The following POU6F2 variants were observed in gnomAD, a reference collection of about 807,000 sequenced individuals.
The protein encoded by POU6F2 is POU class 6 homeobox 2.
Under a neutral mutation model 71.3 loss-of-function variants are expected in POU6F2, and 31 were observed. The ratio of observed to expected loss-of-function variants is 0.43; its 90% CI spans 0.33 to 0.59. POU6F2 has a LOEUF of 0.59. Ranked by LOEUF, POU6F2 falls within the 20% of genes least tolerant of loss-of-function variation. POU6F2 has a pLI of 0.04. For missense variants in POU6F2, 783 were observed against 856.8 expected (o/e 0.91, Z 1.07); for synonymous variants, 347 against 355.7 (o/e 0.98, Z 0.27).
Position 39,027,843 on chromosome 7 carries a change from A to G in POU6F2, c.105+49785A>G, listed in dbSNP as rs1381104659. Among the ~76,000 whole-genome samples, 10 of 152,214 alleles carry G rather than the reference A, an allele frequency of 6.6e-5. No homozygotes were observed. The East Asian group carries it at 1.7e-3, about 26-fold the overall frequency. On this transcript the variant is annotated intron_variant, in intron 1 of 9. Transcript: ENST00000518318. ...GCTTTGTACATTCTGGATTTTTTTA[A>G]ATTTGTTTTTGCATTCCATGACATT...
At chr7:39,209,265 G>T (rs1160132644) in intron 4 of POU6F2, among the ~76,000 whole-genome samples, 1 of 152,132 alleles carries the variant, frequency 6.6e-6, no homozygotes, top group East Asian at 1.9e-4. Flanking sequence ...TCTGGTTTCA[G>T]AAAAGGAATC....
rs1216356690 is a variant in POU6F2 at position 39,015,666 on chromosome 7, ATATAT to A, written c.105+37614_105+37618del. Among the ~76,000 whole-genome samples, 13 of 111,416 alleles carry A rather than the reference ATATAT, an allele frequency of 1.2e-4. 1 individual carries two copies. The highest frequency in any genetic ancestry group is 1.5e-4 in the African/African-American group (4 of 27,116). The allele number at this position is 111,416 out of a possible 152,430, so 73.1% of individuals were successfully genotyped here. A position where few individuals can be genotyped will look rare whatever the true frequency, so the allele number is the denominator to read the frequency against. On this transcript the variant is annotated intron_variant, in intron 1 of 9. Transcript: ENST00000518318. Reference sequence around the variant, plus strand: ...ATATATAGATATATATTATATATAGATATATTATATCTATGTTATATATCTATATA... The same window carrying A: ...ATATATAGATATATATTATATATAGATATATCTATGTTATATATCTATATA...
At chr7:39,379,601 C>T (rs985195568) in intron 5 of POU6F2, among the ~76,000 whole-genome samples, 13 of 152,196 alleles carry the variant, frequency 8.5e-5, no homozygotes, top group African/African-American at 3.1e-4. Flanking sequence ...TAAAATTCCA[C>T]CCAGTTTTGT....
intron 5 of POU6F2, among the ~76,000 whole-genome samples, chr7:39,400,099 C>A (rs1227334389): frequency 6.6e-6 from 1 of 152,120 alleles, no homozygotes; most frequent in Non-Finnish European, 1.5e-5. Flanking sequence ...CTCCTTCGTT[C>A]GGGAGTGGGG....
At chr7:39,324,071 G>T (rs1785456597) in intron 4 of POU6F2, among the ~76,000 whole-genome samples, 1 of 143,776 alleles carries the variant, frequency 7.0e-6, no homozygotes, top group Non-Finnish European at 1.5e-5. Context: ...TAGCGCAACT[G>T]CACTCCAGCC....
At chr7:39,371,900 T>A (rs1015452962) in intron 5 of POU6F2, among the ~76,000 whole-genome samples, 22 of 152,156 alleles carry the variant, frequency 1.4e-4, no homozygotes, top group Non-Finnish European at 4.4e-5. Flanking sequence ...TTTGCCTGTT[T>A]GTTTTTTGTG....
intron 5 of POU6F2, among the ~76,000 whole-genome samples, chr7:39,403,886 G>A (rs1440994599): frequency 6.6e-6 from 1 of 152,196 alleles, no homozygotes; most frequent in Non-Finnish European, 1.5e-5. Flanking sequence ...CTTACAGATT[G>A]GCTTGCACCC....
intron 2 of POU6F2, among the ~76,000 whole-genome samples, chr7:39,089,907 C>T (rs1362493786): frequency 6.6e-6 from 1 of 151,462 alleles, no homozygotes; most frequent in Non-Finnish European, 1.5e-5. Flanking sequence ...TGATTTCCTT[C>T]CTTTAAGTCC....
intron 1 of POU6F2, among the ~76,000 whole-genome samples, chr7:38,988,138 G>A (rs1202490228): frequency 3.3e-5 from 5 of 152,088 alleles, no homozygotes; most frequent in African/African-American, 7.2e-5. Flanking sequence ...GGCTCAGAGA[G>A]GTTATGTGTC....
At chr7:39,349,750 C>G (rs1026174112) in intron 5 of POU6F2, among the ~76,000 whole-genome samples, 4 of 152,200 alleles carry the variant, frequency 2.6e-5, no homozygotes, top group Non-Finnish European at 4.4e-5. Flanking sequence ...AATAGACTCT[C>G]AGAATCACTG....
At chr7:39,370,501 T>C (rs1786585787) in intron 5 of POU6F2, among the ~76,000 whole-genome samples, 1 of 152,078 alleles carries the variant, frequency 6.6e-6, no homozygotes, top group Non-Finnish European at 1.5e-5. Flanking sequence ...AGGAAGACAT[T>C]GGTGCGTGTG....
At chr7:39,270,535 C>T (rs556807548) in intron 4 of POU6F2, among the ~76,000 whole-genome samples, 1 of 152,090 alleles carries the variant, frequency 6.6e-6, no homozygotes, top group African/African-American at 2.4e-5. Context: ...TTAGTCTCTT[C>T]GCTTCTCTTC....
At position 39,208,981 on chromosome 7, in the gene POU6F2, A is replaced by C. The variant is rs187301827; in HGVS notation, c.598+1361A>C. Among the ~76,000 whole-genome samples, 20 of 152,272 alleles carry C rather than the reference A, an allele frequency of 1.3e-4. 1 individual carries two copies. The highest frequency in any genetic ancestry group is 3.6e-4 in the African/African-American group (15 of 41,562). On this transcript the variant is annotated intron_variant, in intron 4 of 9. Transcript: ENST00000518318. ...ATGGGAATATTGAATATTATAAATA[A>C]ACATAAGCTCAAAGAGCTCCTAGGC...
chr7:39,047,084 A>G (rs1047849704), intron 1 of POU6F2, among the ~76,000 whole-genome samples: 3 of 151,908 alleles, frequency 2.0e-5, no homozygotes, highest in African/African-American at 7.2e-5. Context: ...GCAATGCCTC[A>G]CTGCCTTGAT....
intron 1 of POU6F2, among the ~76,000 whole-genome samples, chr7:39,031,995 A>G (rs1789953780): frequency 6.6e-6 from 1 of 152,164 alleles, no homozygotes; most frequent in African/African-American, 2.4e-5. Context: ...GTCCCACTGA[A>G]TCCGACTTGT....
intron 4 of POU6F2, among the ~76,000 whole-genome samples, chr7:39,292,922 A>G (rs947420406): frequency 1.3e-5 from 2 of 152,204 alleles, no homozygotes; most frequent in Non-Finnish European, 2.9e-5. Flanking sequence ...AGAAAACATC[A>G]GAGTAGGCTG....
intron 1 of POU6F2, among the ~76,000 whole-genome samples, chr7:39,038,488 T>C (rs1240756138): frequency 6.6e-6 from 1 of 151,958 alleles, no homozygotes; most frequent in Non-Finnish European, 1.5e-5. Flanking sequence ...CAAAGACCAT[T>C]TCCCAAGCAC....
At chr7:39,343,410 T>TA (rs58511899) in intron 5 of POU6F2, among the ~76,000 whole-genome samples, 41,252 of 133,090 alleles carry the variant, frequency 0.31, 6,307 homozygotes, top group East Asian at 0.7. Flanking sequence ...ATGATCTAGG[T>TA]AAAAAAAAAA....
intron 4 of POU6F2, among the ~76,000 whole-genome samples, chr7:39,218,878 C>T (rs958829865): frequency 1.3e-5 from 2 of 152,022 alleles, no homozygotes; most frequent in Admixed American, 6.6e-5. Context: ...TTAGTAATAC[C>T]TAGATCTAGA....
Sources: allele counts gnomAD v4.1 joint callset (sites outside exome capture counted in the v4.1 genomes callset), GRCh38; gene constraint gnomAD v4.1.1; transcripts MANE v1.5; gene names NCBI Gene and HGNC (gene_info 2026-07-23, HGNC 2026-07-21).